CYTIP: variants seen among roughly 807,000 people sequenced by gnomAD.
CYTIP encodes the protein cytohesin-interacting protein.
In CYTIP, 26 loss-of-function variants were observed where a neutral mutation model predicts 43.8. The observed-to-expected ratio is 0.59, with a 90% CI of 0.44 to 0.82. The LOEUF is 0.82. Among genes scored for constraint, CYTIP ranks in the 40% least tolerant of loss-of-function variants. The pLI is 0.00. For missense variants in CYTIP, 426 were observed against 443.1 expected, an observed-to-expected ratio of 0.96 and a Z score of 0.35; for synonymous variants, 162 against 162.9, an observed-to-expected ratio of 0.99 and a Z score of 0.04.
chr2:157,439,458 G>GA (rs761609562), intron 1 of CYTIP: 117 of 139,380 alleles, frequency 8.4e-4, no homozygotes, highest in Non-Finnish European at 9.3e-4. Flanking sequence ...TTTGCACTTT[G>GA]AAAAAAAAAA....
intron 6 of CYTIP, 25 bp from the exon 7 acceptor site, chr2:157,418,614 A>C: frequency 1.3e-6 from 2 of 1,556,054 alleles, no homozygotes; most frequent in Non-Finnish European, 1.7e-6. Context: ...AAAAAAAAAA[A>C]AAGTTTTTAT....
Position 157,434,402 on chromosome 2 carries a change from G to C in CYTIP, c.247C>G (p.Gln83Glu), listed in dbSNP as rs2229345. 4.0e-3 allele frequency: 6,481 copies of C among 1,612,546 alleles called. 180 individuals are homozygous for C. The East Asian group carries it at 0.056, about 14-fold the overall frequency. ...SQRKLVTVEK[Q>E]DNETFGFEIQ... Reference sequence around the variant, plus strand: ...TCAAATCCAAATGTTTCATTATCCTGCTTCTCCACAGTAACAAGCTTTCTG... The same window carrying C: ...TCAAATCCAAATGTTTCATTATCCTCCTTCTCCACAGTAACAAGCTTTCTG... The change falls in exon 3 of 8, where the codon CAG becomes GAG. Residue 83 changes from glutamine to glutamate, a missense_variant. Coordinates refer to ENST00000264192, the MANE Select transcript of CYTIP (RefSeq NM_004288.5).
At chr2:157,417,279 C>A (rs926898804) in intron 7 of CYTIP, among the ~76,000 whole-genome samples, 1 of 152,150 alleles carries the variant, frequency 6.6e-6, no homozygotes, top group Non-Finnish European at 1.5e-5. Context: ...TGATGAATTT[C>A]TTTTGATTGG....
intron 1 of CYTIP, chr2:157,438,976 A>G: frequency 2.4e-6 from 1 of 409,652 alleles, no homozygotes; most frequent in Non-Finnish European, 5.3e-6. Context: ...GGATAGATTC[A>G]AATGTAAAAT....
At position 157,435,784 on chromosome 2, in the gene CYTIP, A is replaced by G. The variant is rs183807468; in HGVS notation, c.175-1037T>C. The stretch of plus-strand genomic sequence containing the variant: ...GAACACATAAAATATCAAGAGATCA[A>G]TGCATAGTCAGTCCAGACAAAGCAA... On this transcript the variant is annotated intron_variant, in intron 1 of 7. Coordinates refer to ENST00000264192, the MANE Select transcript of CYTIP (RefSeq NM_004288.5). 2.7e-4 allele frequency among the ~76,000 whole-genome samples: 41 copies of G among 152,338 alleles called. 2 individuals carry two copies. Among genetic ancestry groups the G allele is most frequent in the African/African-American group, 9.4e-4 (39 of 41,570 alleles).
chr2:157,417,152 A>C (rs1018648049), intron 7 of CYTIP, among the ~76,000 whole-genome samples: 3 of 152,202 alleles, frequency 2.0e-5, no homozygotes, highest in African/African-American at 7.2e-5. Flanking sequence ...TGACAATATA[A>C]AAAGAAACTG....
At chr2:157,428,682 C>T (rs563837038) in intron 5 of CYTIP, among the ~76,000 whole-genome samples, 5 of 152,206 alleles carry the variant, frequency 3.3e-5, no homozygotes, top group Non-Finnish European at 7.3e-5. Flanking sequence ...CTGACTCTAA[C>T]TACCAGCAGT....
chr2:157,434,408 C>G lies in CYTIP; in HGVS notation c.241G>C (p.Glu81Gln), dbSNP rs1390023474. Residue 81 changes from glutamate (E) to glutamine (Q), a missense_variant, in exon 3 of 8, where the codon GAG (glutamate) becomes CAG (glutamine). Coordinates refer to ENST00000264192, the MANE Select transcript of CYTIP (RefSeq NM_004288.5). ...SWSQRKLVTV[E>Q]KQDNETFGFE... ...CCAAATGTTTCATTATCCTGCTTCT[C>G]CACAGTAACAAGCTTTCTGTAATAA... The G allele has an allele frequency of 1.9e-6, 3 of 1,612,428 alleles. No individual in the cohort carries two copies. The highest frequency in any genetic ancestry group is 2.7e-5 in the African/African-American group (2 of 74,792).
Position 157,434,767 on chromosome 2 carries a change from T to C in CYTIP, c.175-20A>G. On this transcript the variant is annotated intron_variant, in intron 1 of 7. Transcript: ENST00000264192. ...AGCAAGCTGAAAAACACAAAAGACA[T>C]ATAGTTATCCCAGGGTCTTCAAGAT... 6.3e-7 allele frequency: 1 copy of C among 1,599,320 alleles called. No individual in the cohort carries two copies. The highest frequency in any genetic ancestry group is 8.5e-7 in the Non-Finnish European group (1 of 1,170,122).
At chr2:157,439,965 G>A (rs940812212) in intron 1 of CYTIP, among the ~76,000 whole-genome samples, 1 of 152,190 alleles carries the variant, frequency 6.6e-6, no homozygotes, top group Non-Finnish European at 1.5e-5. Flanking sequence ...TGGCAGCTCA[G>A]CCAGATAGCC....
In CYTIP at chr2:157,418,512, A is replaced by G. The variant is rs1286054632; in HGVS notation, c.613+11T>C. The G allele has an allele frequency of 6.3e-7, 1 of 1,585,986 alleles. No individual in the cohort carries two copies. The highest frequency in any genetic ancestry group is 1.2e-5 in the South Asian group (1 of 86,432). On this transcript the variant is annotated intron_variant, in intron 7 of 7. Coordinates refer to ENST00000264192, the MANE Select transcript of CYTIP (RefSeq NM_004288.5). ...TGTTAGTGTGGTTTCTGAACAGGAAATTGCATTTACCATGAAGCAGACGAT... is the reference window on the plus strand; with the variant it reads ...TGTTAGTGTGGTTTCTGAACAGGAAGTTGCATTTACCATGAAGCAGACGAT...
intron 1 of CYTIP, 94 bp from the exon 2 acceptor site, chr2:157,434,841 TCTCTCTCTCACACACACACACA>T (rs1482520769): frequency 9.4e-5 from 42 of 444,482 alleles, no homozygotes; most frequent in African/African-American, 7.1e-4. Context: ...TCTCTCTCTC[TCTCTCTCTCACACACACACACA>T]CACACACACA....
chr2:157,422,598 AGGT>A (rs1685539220), intron 6 of CYTIP, among the ~76,000 whole-genome samples: 1 of 148,466 alleles, frequency 6.7e-6, no homozygotes, highest in Non-Finnish European at 1.5e-5. Context: ...TGAACCCGGG[AGGT>A]GGAGGTTGCA....
chr2:157,434,581 TC>T, intron 2 of CYTIP, 116 bp downstream of exon 2: 16 of 834,336 alleles, frequency 1.9e-5, no homozygotes, highest in Non-Finnish European at 5.7e-6. Context: ...TGTGTGTGCG[TC>T]TGTGTGTGTG....
chr2:157,427,469 T>C (rs961842008), intron 5 of CYTIP, 49 bp from the exon 6 acceptor site: 1 of 1,399,862 alleles, frequency 7.1e-7, no homozygotes. Context: ...GTGAGTAACA[T>C]GAGTGATTCG....
intron 1 of CYTIP, among the ~76,000 whole-genome samples, chr2:157,440,174 C>T (rs1685881926): frequency 1.3e-5 from 2 of 152,162 alleles, no homozygotes; most frequent in African/African-American, 4.8e-5. Context: ...TGCTCTGCTC[C>T]CTTTCCAGTC....
At position 157,434,690 on chromosome 2, in the gene CYTIP, C is replaced by T; in HGVS notation, c.224+8G>A. On this transcript the variant is annotated splice_region_variant and intron_variant, in intron 2 of 7. Coordinates refer to ENST00000264192, the MANE Select transcript of CYTIP (RefSeq NM_004288.5). ...TGGGAGAGACAAAAAATAATTCAAT[C>T]TCTTTACCTTTGAGACCAGGAAAAG... 1 of 1,604,746 alleles carries T rather than the reference C, an allele frequency of 6.2e-7. No homozygotes were observed. The highest frequency in any genetic ancestry group is 8.5e-7 in the Non-Finnish European group (1 of 1,173,336).
intron 1 of CYTIP, among the ~76,000 whole-genome samples, chr2:157,441,470 A>T (rs1168918421): frequency 6.6e-6 from 1 of 152,206 alleles, no homozygotes; most frequent in Non-Finnish European, 1.5e-5. Context: ...TGAATATGGA[A>T]AGTCTACCAC....
At chr2:157,428,355 C>G (rs1287245928) in intron 5 of CYTIP, among the ~76,000 whole-genome samples, 1 of 152,194 alleles carries the variant, frequency 6.6e-6, no homozygotes, top group African/African-American at 2.4e-5. Flanking sequence ...GGAGATCAGT[C>G]TTCTACTTCT....
Sources: allele counts gnomAD v4.1 joint callset (sites outside exome capture counted in the v4.1 genomes callset), GRCh38; gene constraint gnomAD v4.1.1; transcripts MANE v1.5; gene names NCBI Gene and HGNC (gene_info 2026-07-23, HGNC 2026-07-21).